Variants in RALYL observed in about 807,000 individuals in gnomAD.
RALYL encodes RNA-binding Raly-like protein.
Under a neutral mutation model 35.1 loss-of-function variants are expected in RALYL, and 29 were observed. The ratio of observed to expected loss-of-function variants is 0.83; its 90% CI spans 0.61 to 1.13. RALYL has a LOEUF of 1.13. Among genes scored for constraint, RALYL ranks in the 50% most tolerant of loss-of-function variants. The pLI, the probability that RALYL is intolerant of heterozygous loss-of-function variation, is 0.00. For synonymous variants in RALYL, 120 were observed against 127.6 expected, an observed-to-expected ratio of 0.94 and a Z score of 0.40; for missense variants, 359 against 360.4, an observed-to-expected ratio of 1.00 and a Z score of 0.03.
At chr8:84,257,386 A>G (rs1831406066) in intron 1 of RALYL, among the ~76,000 whole-genome samples, 1 of 152,068 alleles carries the variant, frequency 6.6e-6, no homozygotes, top group South Asian at 2.1e-4. Context: ...ATTGTTTTTG[A>G]CTACTTAAAT....
intron 1 of RALYL, among the ~76,000 whole-genome samples, chr8:84,412,197 A>G (rs1045271470): frequency 2.0e-5 from 3 of 152,058 alleles, no homozygotes; most frequent in Middle Eastern, 3.4e-3. Flanking sequence ...AAATACAAAG[A>G]TACAAATCAA....
chr8:84,278,358 C>T (rs1200891037), intron 1 of RALYL, among the ~76,000 whole-genome samples: 1 of 152,190 alleles, frequency 6.6e-6, no homozygotes, highest in Non-Finnish European at 1.5e-5. Context: ...GGGCCTGGCC[C>T]AATAAACCAT....
At chr8:84,735,935 C>A (rs185235236) in intron 2 of RALYL, among the ~76,000 whole-genome samples, 4 of 151,828 alleles carry the variant, frequency 2.6e-5, no homozygotes, top group African/African-American at 9.7e-5. Context: ...CCTTGGAGAC[C>A]AGCCTCACAG....
At chr8:84,687,522 A>AACAC (rs1311799216) in intron 2 of RALYL, among the ~76,000 whole-genome samples, 1 of 152,122 alleles carries the variant, frequency 6.6e-6, no homozygotes, top group Non-Finnish European at 1.5e-5. Context: ...ATCCTTTGAG[A>AACAC]ACACTGAAAT....
intron 1 of RALYL, among the ~76,000 whole-genome samples, chr8:84,425,087 G>A (rs1243536201): frequency 1.3e-5 from 2 of 152,232 alleles, no homozygotes; most frequent in African/African-American, 4.8e-5. Flanking sequence ...CCCAGTTCGA[G>A]CTTCCTAGCT....
intron 2 of RALYL, among the ~76,000 whole-genome samples, chr8:84,638,965 GACACAC>G (rs60361195): frequency 0.033 from 3,774 of 116,032 alleles, 223 homozygotes; most frequent in African/African-American, 0.12. Context: ...CACACACACA[GACACAC>G]ACACACACAC....
At chr8:84,821,421 A>G (rs1828502215) in intron 4 of RALYL, among the ~76,000 whole-genome samples, 1 of 152,148 alleles carries the variant, frequency 6.6e-6, no homozygotes, top group Non-Finnish European at 1.5e-5. Flanking sequence ...GTATCTTAAC[A>G]CCTCATGTTT....
intron 1 of RALYL, among the ~76,000 whole-genome samples, chr8:84,282,825 G>A (rs1836864620): frequency 6.6e-6 from 1 of 151,336 alleles, no homozygotes; most frequent in Non-Finnish European, 1.5e-5. Context: ...GAGTATATAT[G>A]TATAGGTCAC....
chr8:84,194,473 G>A lies in RALYL; in HGVS notation c.-24+10049G>A, dbSNP rs6473529. On this transcript the variant is annotated intron_variant, in intron 1 of 8. Coordinates refer to ENST00000521268, the MANE Select transcript of RALYL (RefSeq NM_173848.7). ...TTGAAAAGAATTTTCAGTTACTACAGAAATAAATTCTGCAGTGGATACAGC... is the reference window on the plus strand; with the variant it reads ...TTGAAAAGAATTTTCAGTTACTACAAAAATAAATTCTGCAGTGGATACAGC... 3.1e-3 allele frequency among the ~76,000 whole-genome samples: 471 copies of A among 152,138 alleles called. 2 individuals carry two copies. Among genetic ancestry groups the A allele is most frequent in the African/African-American group, 0.011 (455 of 41,512 alleles).
chr8:84,247,942 G>C (rs1829437351), intron 1 of RALYL, among the ~76,000 whole-genome samples: 1 of 152,000 alleles, frequency 6.6e-6, no homozygotes, highest in Admixed American at 6.6e-5. Flanking sequence ...TATGTCAAAG[G>C]AATATATTTT....
chr8:84,406,636 C>T (rs1159765012), intron 1 of RALYL, among the ~76,000 whole-genome samples: 1 of 151,828 alleles, frequency 6.6e-6, no homozygotes, highest in Non-Finnish European at 1.5e-5. Context: ...ACGCATACAA[C>T]CTCTTACCTA....
chr8:84,785,548 G>A (rs983511107), intron 3 of RALYL, among the ~76,000 whole-genome samples: 1 of 152,032 alleles, frequency 6.6e-6, no homozygotes, highest in Non-Finnish European at 1.5e-5. Context: ...CTTCAAACTC[G>A]GTGCAGTGTC....
At chr8:84,635,386 T>C (rs7817017) in intron 2 of RALYL, among the ~76,000 whole-genome samples, 12,022 of 151,758 alleles carry the variant, frequency 0.079, 1,207 homozygotes, top group African/African-American at 0.23. Context: ...GCCATTTTTT[T>C]TAATGAAAAA....
intron 1 of RALYL, among the ~76,000 whole-genome samples, chr8:84,222,573 T>A (rs891146576): frequency 2.0e-5 from 3 of 152,120 alleles, no homozygotes; most frequent in Non-Finnish European, 4.4e-5. Flanking sequence ...GAATACTTTA[T>A]CCCACCTTGG....
intron 2 of RALYL, among the ~76,000 whole-genome samples, chr8:84,661,562 C>A (rs1564329438): frequency 1.3e-5 from 2 of 148,496 alleles, no homozygotes; most frequent in Non-Finnish European, 3.0e-5. Context: ...ATAGGCATGG[C>A]TTTAATTTAT....
intron 1 of RALYL, among the ~76,000 whole-genome samples, chr8:84,367,548 G>A (rs562823438): frequency 6.6e-6 from 1 of 151,082 alleles, no homozygotes; most frequent in East Asian, 1.9e-4. Context: ...TTTCAATAAG[G>A]TTTATATCTG....
chr8:84,504,089 C>T (rs775405096), intron 1 of RALYL, among the ~76,000 whole-genome samples: 5 of 151,568 alleles, frequency 3.3e-5, no homozygotes, highest in African/African-American at 1.2e-4. Flanking sequence ...CTGGGAGATA[C>T]TTAACTAAAA....
At chr8:84,873,159 T>C (rs769837011) in intron 6 of RALYL, 125 bp from the exon 7 acceptor site, 22 of 507,330 alleles carry the variant, frequency 4.3e-5, no homozygotes, top group South Asian at 7.9e-5. Flanking sequence ...GTTGATAAAA[T>C]TGAAAAATGT....
chr8:84,887,567 C>A (rs769133161), intron 7 of RALYL, 37 bp from the exon 8 acceptor site: 5 of 1,573,610 alleles, frequency 3.2e-6, no homozygotes, highest in Middle Eastern at 3.7e-4. Context: ...TCATGAGCAA[C>A]CCAAGGTAGT....
Sources: gnomAD v4.1 joint callset for allele counts (sites outside exome capture counted in the v4.1 genomes callset) on GRCh38, gnomAD v4.1.1 for gene constraint, MANE v1.5 for transcripts, NCBI Gene and HGNC (gene_info 2026-07-23, HGNC 2026-07-21) for gene names.